Variants in FSIP1 observed in about 807,000 individuals in gnomAD.
The protein encoded by FSIP1 is fibrous sheath-interacting protein 1.
FSIP1 carries 65 observed loss-of-function variants against 60.9 expected under a neutral mutation model. That is an observed-to-expected ratio of 1.07 (90% confidence interval 0.87 to 1.31). FSIP1 has a LOEUF of 1.31. FSIP1 is among the 40% of genes most tolerant of loss of function. The pLI, the probability that FSIP1 is intolerant of heterozygous loss-of-function variation, is 0.00. For synonymous variants in FSIP1, 209 were observed against 221.2 expected, an observed-to-expected ratio of 0.94 and a Z score of 0.49; for missense variants, 675 against 665.5, an observed-to-expected ratio of 1.01 and a Z score of -0.16.
chr15:39,653,491 G>A (rs1193734697), intron 10 of FSIP1, among the ~76,000 whole-genome samples: 2 of 151,996 alleles, frequency 1.3e-5, no homozygotes, highest in Non-Finnish European at 2.9e-5. Context: ...CACATTAGCT[G>A]TACAAAAAAA....
chr15:39,685,932 T>C (rs2412424), intron 10 of FSIP1, among the ~76,000 whole-genome samples: 126,820 of 152,116 alleles, frequency 0.83, 53,346 homozygotes, highest in Non-Finnish European at 0.89. Context: ...GAAACTATGA[T>C]TACACTATAA....
chr15:39,670,875 G>A lies in FSIP1; in HGVS notation c.1188+42569C>T, dbSNP rs138897794. Among the ~76,000 whole-genome samples, 544 of 152,284 alleles carry A rather than the reference G, an allele frequency of 3.6e-3. 3 individuals are homozygous for A. Among genetic ancestry groups the A allele is most frequent in the Admixed American group, 9.3e-3 (142 of 15,292 alleles). ...CATTTTTATAAGCAAAATCTGAGAAGTATGATACTATTTTTCATTTTAGAA... is the reference window on the plus strand; with the variant it reads ...CATTTTTATAAGCAAAATCTGAGAAATATGATACTATTTTTCATTTTAGAA... On this transcript the variant is annotated intron_variant, in intron 10 of 11. Coordinates refer to ENST00000350221, the MANE Select transcript of FSIP1 (RefSeq NM_152597.5).
intron 5 of FSIP1, among the ~76,000 whole-genome samples, chr15:39,759,633 A>T (rs562340680): frequency 6.6e-6 from 1 of 152,244 alleles, no homozygotes; most frequent in South Asian, 2.1e-4. Context: ...GCTTCAAACA[A>T]CAGAAGTTAT....
intron 10 of FSIP1, among the ~76,000 whole-genome samples, chr15:39,645,253 C>T (rs1292329958): frequency 1.3e-5 from 2 of 152,252 alleles, no homozygotes; most frequent in East Asian, 3.8e-4. Flanking sequence ...AAAAATAGAA[C>T]TACTGATACA....
intron 11 of FSIP1, among the ~76,000 whole-genome samples, chr15:39,611,442 A>G (rs1327402327): frequency 2.6e-5 from 4 of 152,210 alleles, no homozygotes; most frequent in Non-Finnish European, 4.4e-5. Context: ...ATGCACAACC[A>G]TGCCCAGCCT....
chr15:39,757,870 C>CT (rs1425583081), intron 5 of FSIP1, among the ~76,000 whole-genome samples: 1 of 152,122 alleles, frequency 6.6e-6, no homozygotes, highest in Non-Finnish European at 1.5e-5. Flanking sequence ...TTCCCTTTTC[C>CT]TTTTACGTTG....
At chr15:39,644,001 T>C (rs1892482498) in intron 10 of FSIP1, among the ~76,000 whole-genome samples, 1 of 152,238 alleles carries the variant, frequency 6.6e-6, no homozygotes, top group Non-Finnish European at 1.5e-5. Context: ...ACAAAGGACC[T>C]AACGTCATGA....
intron 8 of FSIP1, among the ~76,000 whole-genome samples, chr15:39,728,119 G>T (rs1896267943): frequency 6.6e-6 from 1 of 152,092 alleles, no homozygotes; most frequent in African/African-American, 2.4e-5. Flanking sequence ...AAAAAGCACT[G>T]CTCAAAGAAA....
At chr15:39,601,024 A>T in intron 11 of FSIP1, 98 bp from the exon 12 acceptor site, 1 of 892,902 alleles carries the variant, frequency 1.1e-6, no homozygotes, top group South Asian at 1.6e-5. Flanking sequence ...ATCCCTTTAC[A>T]CATGAGGCAA....
At chr15:39,609,473 G>A (rs1199607145) in intron 11 of FSIP1, among the ~76,000 whole-genome samples, 1 of 151,766 alleles carries the variant, frequency 6.6e-6, no homozygotes, top group East Asian at 1.9e-4. Flanking sequence ...CAGGCTAGGA[G>A]GCAAGTGCAG....
At chr15:39,695,034 T>C (rs547929639) in intron 10 of FSIP1, among the ~76,000 whole-genome samples, 206 of 152,314 alleles carry the variant, frequency 1.4e-3, no homozygotes, top group African/African-American at 4.6e-3. Flanking sequence ...GCAAACGGAA[T>C]CATAGAACAA....
chr15:39,600,931 A>G lies in FSIP1; in HGVS notation c.1700-5T>C, dbSNP rs1207084575. On this transcript the variant is annotated splice_region_variant and splice_polypyrimidine_tract_variant and intron_variant, in intron 11 of 11. Coordinates refer to ENST00000350221, the MANE Select transcript of FSIP1 (RefSeq NM_152597.5). ...CATCTTTAGTCTCCTGCTCATCTGC[A>G]CATAAAAACAATAACCACAGTTATT... is the stretch of plus-strand genomic sequence containing the variant. The G allele has an allele frequency of 6.2e-7, 1 of 1,605,312 alleles. No homozygotes were observed. The highest frequency in any genetic ancestry group is 1.1e-5 in the South Asian group (1 of 89,092).
intron 10 of FSIP1, among the ~76,000 whole-genome samples, chr15:39,628,225 C>G (rs1407036229): frequency 2.6e-5 from 4 of 152,178 alleles, no homozygotes; most frequent in African/African-American, 7.2e-5. Flanking sequence ...TAGGATTTAC[C>G]TAGGGCAGCC....
intron 9 of FSIP1, among the ~76,000 whole-genome samples, chr15:39,720,414 C>A (rs896992714): frequency 2.6e-5 from 4 of 152,048 alleles, no homozygotes; most frequent in Non-Finnish European, 4.4e-5. Context: ...TTAAGGAGGA[C>A]CTTTATATTC....
chr15:39,640,543 G>A (rs1056847839), intron 10 of FSIP1, among the ~76,000 whole-genome samples: 8 of 152,042 alleles, frequency 5.3e-5, no homozygotes, highest in African/African-American at 9.7e-5. Context: ...GCCCCGGGTC[G>A]CAGCGGAAAG....
chr15:39,710,181 G>A (rs1895439686), intron 10 of FSIP1, among the ~76,000 whole-genome samples: 1 of 151,930 alleles, frequency 6.6e-6, no homozygotes, highest in Non-Finnish European at 1.5e-5. Flanking sequence ...GAAACACTAA[G>A]CAATGAAAAC....
intron 5 of FSIP1, among the ~76,000 whole-genome samples, chr15:39,755,752 A>G (rs1236629237): frequency 6.6e-6 from 1 of 152,130 alleles, no homozygotes; most frequent in Non-Finnish European, 1.5e-5. Flanking sequence ...GAAAAAGCCT[A>G]ATTGGTTATG....
intron 11 of FSIP1, 148 bp from the exon 12 acceptor site, chr15:39,601,074 C>T (rs1202299912): frequency 7.1e-6 from 4 of 566,466 alleles, no homozygotes; most frequent in Non-Finnish European, 1.2e-5. Flanking sequence ...ACAGTCACCA[C>T]GAGCTGCAGA....
chr15:39,753,762 TA>T (rs201203287), intron 5 of FSIP1, among the ~76,000 whole-genome samples: 3,266 of 151,084 alleles, frequency 0.022, 39 homozygotes, highest in Non-Finnish European at 0.029. Context: ...GTTCATAAAC[TA>T]AAAAAAAGGT....
Sources: gnomAD v4.1 joint callset for allele counts (sites outside exome capture counted in the v4.1 genomes callset) on GRCh38, gnomAD v4.1.1 for gene constraint, MANE v1.5 for transcripts, NCBI Gene and HGNC (gene_info 2026-07-23, HGNC 2026-07-21) for gene names.